The following PMM2 variants were observed in gnomAD, a reference collection of about 807,000 sequenced individuals.
The protein encoded by PMM2 is phosphomannomutase 2.
PMM2 carries 35 observed loss-of-function variants against 33.2 expected under a neutral mutation model. The ratio of observed to expected loss-of-function variants is 1.06; its 90% CI spans 0.81 to 1.40. The LOEUF is 1.40. PMM2 is among the 40% of genes most tolerant of loss of function. The probability of loss-of-function intolerance (pLI) is 0.00; values close to 1 mark genes in which losing one functional copy is unlikely to be tolerated. For synonymous variants in PMM2, 153 were observed against 114.7 expected (o/e 1.33, Z -2.13); for missense variants, 386 against 306.0 (o/e 1.26, Z -1.95).
At chr16:8,827,931 A>C (rs1041609038) in intron 7 of PMM2, among the ~76,000 whole-genome samples, 2 of 42,834 alleles carry the variant, frequency 4.7e-5, no homozygotes, top group African/African-American at 1.4e-4. Context: ...TTTATATATA[A>C]TATATATTTA....
chr16:8,818,875 G>A (rs962968001), intron 7 of PMM2, among the ~76,000 whole-genome samples: 1 of 149,620 alleles, frequency 6.7e-6, no homozygotes, highest in Non-Finnish European at 1.5e-5. Context: ...GTTGCAGAGA[G>A]AGAGAGACGG....
intron 7 of PMM2, among the ~76,000 whole-genome samples, chr16:8,820,178 CAG>C (rs2060729782): frequency 1.3e-5 from 2 of 152,034 alleles, no homozygotes; most frequent in South Asian, 2.1e-4. Flanking sequence ...GGCTGGGCAA[CAG>C]AGTGAAATTC....
chr16:8,820,285 CCAGTGACCTTGTGA>C (rs1158326951), intron 7 of PMM2, among the ~76,000 whole-genome samples: 2 of 151,702 alleles, frequency 1.3e-5, no homozygotes, highest in Non-Finnish European at 2.9e-5. Context: ...CCACCATTCA[CCAGTGACCTTGTGA>C]CAGTGAGGAC....
chr16:8,818,501 G>C (rs994988246), intron 7 of PMM2, among the ~76,000 whole-genome samples: 3 of 152,204 alleles, frequency 2.0e-5, no homozygotes, highest in Non-Finnish European at 4.4e-5. Context: ...TAGACATTTA[G>C]AAAGCTGGGG....
At position 8,798,654 on chromosome 16, in the gene PMM2, C is replaced by T. The variant is rs571927187; in HGVS notation, c.66+706C>T. On this transcript the variant is annotated intron_variant, in intron 1 of 7. Coordinates refer to ENST00000268261, the MANE Select transcript of PMM2 (RefSeq NM_000303.3). ...CTGCCCGCTGAGAGCCTCTTTGGGCCCTTGGAAACTTGCTTTCCACTTTCA... is the reference window on the plus strand; with the variant it reads ...CTGCCCGCTGAGAGCCTCTTTGGGCTCTTGGAAACTTGCTTTCCACTTTCA... Among the ~76,000 whole-genome samples the T allele has an allele frequency of 4.6e-5, 7 of 152,238 alleles. No individual in the cohort carries two copies. In the South Asian group the frequency reaches 1.2e-3, roughly 27 times the overall value.
intron 7 of PMM2, among the ~76,000 whole-genome samples, chr16:8,840,389 T>A (rs2060882175): frequency 6.6e-6 from 1 of 151,844 alleles, no homozygotes; most frequent in African/African-American, 2.4e-5. Flanking sequence ...GAAGAAACAG[T>A]GTAAACCGGC....
chr16:8,832,427 C>T (rs2060816162), intron 7 of PMM2: 1 of 985,388 alleles, frequency 1.0e-6, no homozygotes, highest in Non-Finnish European at 1.2e-6. Flanking sequence ...GCACACAGAT[C>T]ACTCAGATTC....
intron 2 of PMM2, among the ~76,000 whole-genome samples, chr16:8,803,189 G>A (rs182934641): frequency 3.9e-5 from 6 of 152,300 alleles, no homozygotes; most frequent in Admixed American, 3.3e-4. Context: ...GTCCAAATCT[G>A]TATGGACTGT....
At chr16:8,840,707 T>G (rs930199624) in intron 7 of PMM2, among the ~76,000 whole-genome samples, 3 of 151,212 alleles carry the variant, frequency 2.0e-5, no homozygotes, top group Non-Finnish European at 2.9e-5. Flanking sequence ...GGACACAGCT[T>G]TATTCTGGAA....
intron 4 of PMM2, chr16:8,807,080 T>A (rs1473675922): frequency 6.6e-6 from 1 of 152,282 alleles, no homozygotes; most frequent in Non-Finnish European, 1.5e-5. Flanking sequence ...CACTGCAACC[T>A]CCGCCTCCCA....
At chr16:8,802,433 A>G (rs2060621806) in intron 2 of PMM2, 1 of 379,304 alleles carries the variant, frequency 2.6e-6, no homozygotes, top group Non-Finnish European at 5.2e-6. Flanking sequence ...TTGCTAATGT[A>G]GCATTCTGTA....
intron 4 of PMM2, among the ~76,000 whole-genome samples, chr16:8,807,374 C>T (rs117256911): frequency 0.048 from 7,366 of 152,246 alleles, 266 homozygotes; most frequent in Middle Eastern, 0.14. Context: ...GCTACTCCGG[C>T]TCCCAGTTCC....
chr16:8,818,221 C>G (rs1172305029), intron 7 of PMM2, among the ~76,000 whole-genome samples: 1 of 152,108 alleles, frequency 6.6e-6, no homozygotes, highest in Non-Finnish European at 1.5e-5. Context: ...TTTTTAATGG[C>G]TGTATAATAT....
intron 7 of PMM2, among the ~76,000 whole-genome samples, chr16:8,814,798 G>T (rs896929362): frequency 1.3e-5 from 2 of 152,146 alleles, no homozygotes; most frequent in Non-Finnish European, 2.9e-5. Flanking sequence ...GGTTTTGGGG[G>T]CGGTTTGGGA....
Position 8,847,878 on chromosome 16 carries a change from G to T in PMM2, c.*53G>T, listed in dbSNP as rs762640350. 2.9e-6 allele frequency: 4 copies of T among 1,393,062 alleles called. No homozygotes were observed. Among genetic ancestry groups the T allele is most frequent in the East Asian group, 2.3e-5 (1 of 43,622 alleles). 86.3% of individuals were successfully genotyped at this position (1,393,062 alleles called of 1,614,324 possible). A position where few individuals can be genotyped will look rare whatever the true frequency, so the allele number is the denominator to read the frequency against. ...GCTGACAAGCCAGCATAGGGCATTC[G>T]GTGGCCAGAGCCGAGGGTCCTCCCA... On this transcript the variant is annotated 3_prime_UTR_variant, in exon 8 of 8. Transcript: ENST00000268261.
intron 4 of PMM2, 182 bp from the exon 5 acceptor site, chr16:8,810,897 A>G: frequency 1.6e-6 from 1 of 624,652 alleles, no homozygotes; most frequent in Admixed American, 2.7e-5. Context: ...CATATTAGCC[A>G]CATTTCAAGT....
chr16:8,803,686 TTTTA>T (rs937450900), intron 2 of PMM2, among the ~76,000 whole-genome samples: 15 of 152,206 alleles, frequency 9.9e-5, no homozygotes, highest in South Asian at 2.1e-4. Flanking sequence ...TTAAAATTTA[TTTTA>T]TTTATTTATT....
intron 7 of PMM2, among the ~76,000 whole-genome samples, chr16:8,830,479 G>A (rs542293885): frequency 9.6e-4 from 146 of 152,338 alleles, no homozygotes; most frequent in Non-Finnish European, 1.7e-3. Flanking sequence ...CTCTGGAGGT[G>A]TGGATTGCTG....
At chr16:8,819,466 A>C (rs1282033776) in intron 7 of PMM2, among the ~76,000 whole-genome samples, 1 of 152,218 alleles carries the variant, frequency 6.6e-6, no homozygotes, top group Non-Finnish European at 1.5e-5. Context: ...GAGAATTGCC[A>C]CCTAGGTCTT....
Sources: gnomAD v4.1 joint callset for allele counts (sites outside exome capture counted in the v4.1 genomes callset) on GRCh38, gnomAD v4.1.1 for gene constraint, MANE v1.5 for transcripts, NCBI Gene and HGNC (gene_info 2026-07-23, HGNC 2026-07-21) for gene names.